YAP1: variants seen among roughly 807,000 people sequenced by gnomAD.
YAP1 encodes Yes1 associated transcriptional regulator.
Under a neutral mutation model 56.9 loss-of-function variants are expected in YAP1, and 5 were observed. The observed-to-expected ratio is 0.09, with a 90% CI of 0.05 to 0.18. The LOEUF (loss-of-function observed/expected upper bound fraction) is 0.18. Among genes scored for constraint, YAP1 ranks in the 10% least tolerant of loss-of-function variants. YAP1 has a pLI of 1.00. For synonymous variants in YAP1, 265 were observed against 248.1 expected, an observed-to-expected ratio of 1.07 and a Z score of -0.64; for missense variants, 539 against 651.8, an observed-to-expected ratio of 0.83 and a Z score of 1.88.
Position 102,172,300 on chromosome 11 carries a change from ATTTTTTTTTTTT to A in YAP1, c.688+9746_688+9757del, listed in dbSNP as rs752185861. 4.4e-3 allele frequency among the ~76,000 whole-genome samples: 484 copies of A among 110,842 alleles called. 2 individuals are homozygous for A. The highest frequency in any genetic ancestry group is 0.018 in the African/African-American group (435 of 23,582). The allele number at this position is 110,842 out of a possible 152,430, so 72.7% of individuals were successfully genotyped here. On this transcript the variant is annotated intron_variant, in intron 3 of 8. Coordinates refer to ENST00000282441, the MANE Select transcript of YAP1 (RefSeq NM_001130145.3). Reference sequence around the variant, plus strand: ...TAGTGGAAAGGAAGAACAGTGAAGAATTTTTTTTTTTTTTTTTTTTTTTTTTTTGGACACAGG... The same window carrying A: ...TAGTGGAAAGGAAGAACAGTGAAGAATTTTTTTTTTTTTTTTGGACACAGG...
At chr11:102,178,355 T>C (rs1947387976) in intron 3 of YAP1, among the ~76,000 whole-genome samples, 1 of 152,174 alleles carries the variant, frequency 6.6e-6, no homozygotes, top group Admixed American at 6.5e-5. Flanking sequence ...GTGTCCTAGG[T>C]GACTTCTTTA....
intron 3 of YAP1, among the ~76,000 whole-genome samples, chr11:102,180,478 C>T (rs1947527503): frequency 6.6e-6 from 1 of 150,660 alleles, no homozygotes. Flanking sequence ...GTCAGGAGAT[C>T]GAGACCATCC....
intron 2 of YAP1, among the ~76,000 whole-genome samples, chr11:102,129,014 G>GTC (rs1470925004): frequency 6.6e-6 from 1 of 151,722 alleles, no homozygotes; most frequent in Non-Finnish European, 1.5e-5. Context: ...TCCTGACACT[G>GTC]TCTCTTTCTT....
intron 2 of YAP1, among the ~76,000 whole-genome samples, chr11:102,126,425 C>T (rs972288510): frequency 3.3e-5 from 5 of 152,240 alleles, no homozygotes; most frequent in South Asian, 4.1e-4. Context: ...CTTTCTTTCC[C>T]GTGCTATTCT....
At chr11:102,174,393 TC>T (rs1233507695) in intron 3 of YAP1, among the ~76,000 whole-genome samples, 5 of 152,162 alleles carry the variant, frequency 3.3e-5, no homozygotes, top group African/African-American at 1.2e-4. Context: ...GGTCAACAGA[TC>T]GAGACCATCC....
chr11:102,207,136 T>C (rs1413228945), intron 5 of YAP1, among the ~76,000 whole-genome samples: 1 of 152,196 alleles, frequency 6.6e-6, no homozygotes, highest in Non-Finnish European at 1.5e-5. Flanking sequence ...TTTTTAAATT[T>C]CCATATAAAA....
At chr11:102,224,085 A>C (rs1950080199) in intron 7 of YAP1, among the ~76,000 whole-genome samples, 1 of 152,252 alleles carries the variant, frequency 6.6e-6, no homozygotes. Flanking sequence ...AATGAATTTC[A>C]TGTTAAACCT....
At chr11:102,170,869 T>G (rs909400118) in intron 3 of YAP1, among the ~76,000 whole-genome samples, 1 of 151,500 alleles carries the variant, frequency 6.6e-6, no homozygotes, top group Admixed American at 6.6e-5. Flanking sequence ...CTCAGGAGGC[T>G]GAGACAGGAG....
chr11:102,192,952 A>G (rs1374239711), intron 4 of YAP1, among the ~76,000 whole-genome samples: 3 of 152,188 alleles, frequency 2.0e-5, no homozygotes, highest in Non-Finnish European at 2.9e-5. Flanking sequence ...GCTGGGCTGA[A>G]TAGTTAAGCT....
chr11:102,158,067 AGTTT>A (rs1289083246), intron 2 of YAP1, among the ~76,000 whole-genome samples: 12 of 152,228 alleles, frequency 7.9e-5, no homozygotes, highest in Non-Finnish European at 1.8e-4. Flanking sequence ...GGAAGGAACC[AGTTT>A]GTTAGGTAGC....
intron 1 of YAP1, 138 bp from the exon 2 acceptor site, chr11:102,114,006 C>T: frequency 1.5e-6 from 1 of 663,534 alleles, no homozygotes. Flanking sequence ...CCTGTGTTCT[C>T]CAGTGTCGAA....
intron 6 of YAP1, among the ~76,000 whole-genome samples, chr11:102,217,324 A>G (rs1254038030): frequency 1.3e-5 from 2 of 152,234 alleles, no homozygotes; most frequent in African/African-American, 4.8e-5. Flanking sequence ...AGTAGTCAGA[A>G]GTCTGGAAAC....
chr11:102,182,548 T>G (rs1003668813), intron 3 of YAP1, among the ~76,000 whole-genome samples: 1 of 152,214 alleles, frequency 6.6e-6, no homozygotes, highest in Admixed American at 6.5e-5. Context: ...AATCCTGCAT[T>G]GAGAATCAAG....
At chr11:102,156,041 G>GT (rs144417823) in intron 2 of YAP1, among the ~76,000 whole-genome samples, 317 of 149,698 alleles carry the variant, frequency 2.1e-3, no homozygotes, top group African/African-American at 7.0e-3. Flanking sequence ...CATCTTCACA[G>GT]TTTTTTTTTT....
chr11:102,198,955 G>A (rs1948707657), intron 4 of YAP1, among the ~76,000 whole-genome samples: 1 of 152,092 alleles, frequency 6.6e-6, no homozygotes, highest in South Asian at 2.1e-4. Context: ...TAAATCATAG[G>A]AATATTTGGA....
intron 3 of YAP1, among the ~76,000 whole-genome samples, chr11:102,174,248 A>G (rs1263931281): frequency 6.6e-6 from 1 of 152,084 alleles, no homozygotes; most frequent in Non-Finnish European, 1.5e-5. Context: ...TCATTTCATG[A>G]GCTCTTATTT....
In YAP1 at chr11:102,192,928, G is replaced by A. The variant is rs559374731; in HGVS notation, c.802+6797G>A. On this transcript the variant is annotated intron_variant, in intron 4 of 8. Coordinates refer to ENST00000282441, the MANE Select transcript of YAP1 (RefSeq NM_001130145.3). The stretch of plus-strand genomic sequence containing the variant: ...ATGTCCAGGCAAACAAATCTGATGG[G>A]GGGTGTGGGAAGTGCTGGGCTGAAT... Among the ~76,000 whole-genome samples, 16 of 152,280 alleles carry A rather than the reference G, an allele frequency of 1.1e-4. 1 individual carries two copies. In the East Asian group the frequency reaches 2.7e-3, roughly 26 times the overall value.
intron 3 of YAP1, among the ~76,000 whole-genome samples, chr11:102,169,475 G>T: frequency 6.6e-6 from 1 of 152,144 alleles, no homozygotes; most frequent in Non-Finnish European, 1.5e-5. Context: ...TTGTCAGTCT[G>T]AAGTCACAAT....
intron 4 of YAP1, among the ~76,000 whole-genome samples, chr11:102,191,658 C>CT (rs542261508): frequency 6.6e-6 from 1 of 152,142 alleles, no homozygotes; most frequent in Admixed American, 6.5e-5. Context: ...ATGAGTTTTT[C>CT]TTTTTTTCTT....
Sources: gnomAD v4.1 joint callset for allele counts (sites outside exome capture counted in the v4.1 genomes callset) on GRCh38, gnomAD v4.1.1 for gene constraint, MANE v1.5 for transcripts, NCBI Gene and HGNC (gene_info 2026-07-23, HGNC 2026-07-21) for gene names.